EIF3C: variants seen among roughly 807,000 people sequenced by gnomAD.
EIF3C encodes eukaryotic translation initiation factor 3 subunit C.
In EIF3C, 2 loss-of-function variants were observed where a neutral mutation model predicts 11.1. The ratio of observed to expected loss-of-function variants is 0.18; its 90% CI spans 0.07 to 0.57. EIF3C has a LOEUF of 0.57. Among genes scored for constraint, EIF3C ranks in the 20% least tolerant of loss-of-function variants. EIF3C has a pLI of 0.92. For missense variants in EIF3C, 16 were observed against 114.6 expected (o/e 0.14, Z 3.93); for synonymous variants, 2 against 41.5 (o/e 0.05, Z 3.66).
chr16:28,693,682 T>C (rs2048228845), intron 1 of EIF3C, among the ~76,000 whole-genome samples: 1 of 30,242 alleles, frequency 3.3e-5, no homozygotes, highest in Non-Finnish European at 5.6e-5. Context: ...TTTTTTTTTT[T>C]TTTTTTCTGA....
chr16:28,699,482 CGGAGAGGGAGAGGGAGAGGGAGAG>C (rs56382957), intron 1 of EIF3C, among the ~76,000 whole-genome samples: 5 of 84,792 alleles, frequency 5.9e-5, no homozygotes, highest in Admixed American at 2.1e-4. Context: ...GAGACGGAGA[CGGAGAGGGAGAGGGAGAGGGAGAG>C]GGAGAGGGAG....
chr16:28,707,078 CTTT>C (rs1165801182), upstream of EIF3C, among the ~76,000 whole-genome samples: 1,111 of 21,388 alleles, frequency 0.052, 130 homozygotes, highest in Non-Finnish European at 0.065. Flanking sequence ...TTTTCTTTCC[CTTT>C]TTTTTTTTTT....
intron 15 of EIF3C, among the ~76,000 whole-genome samples, chr16:28,729,660 G>GA (rs1292181272): frequency 8.5e-6 from 1 of 117,120 alleles, no homozygotes; most frequent in Non-Finnish European, 1.8e-5. Context: ...AAAACAATAT[G>GA]AAAAACCACA....
chr16:28,729,543 G>A (rs2048418100), intron 15 of EIF3C, among the ~76,000 whole-genome samples: 1 of 40,852 alleles, frequency 2.4e-5, no homozygotes, highest in African/African-American at 1.1e-4. Context: ...ATCTGCTGAG[G>A]TTGGGATCAG....
rs1281940701 is a variant in EIF3C at position 28,698,376 on chromosome 16, T to TG, written c.-31+9554dup. ...CTCCCGGACGGGGCGGCTGGCCGGG[T>TG]GGGGGGCTGACCCTCCCACCTCCCT... is the stretch of plus-strand genomic sequence containing the variant. On this transcript the variant is annotated intron_variant, in intron 1 of 20. Transcript: ENST00000566501. 1.1e-4 allele frequency among the ~76,000 whole-genome samples: 9 copies of TG among 84,042 alleles called. 1 individual carries two copies. The highest frequency in any genetic ancestry group is 3.1e-4 in the Admixed American group (3 of 9,556). 55.1% of individuals were successfully genotyped at this position (84,042 alleles called of 152,430 possible).
chr16:28,700,721 C>G (rs1034251626), intron 1 of EIF3C: 1 of 143,618 alleles, frequency 7.0e-6, no homozygotes, highest in East Asian at 2.7e-4. Flanking sequence ...GAAGCAGACC[C>G]GGGGGACCCC....
At chr16:28,726,234 G>GA (rs1469612471) in intron 13 of EIF3C, 2 of 44,846 alleles carry the variant, frequency 4.5e-5, no homozygotes, top group African/African-American at 1.9e-4. Flanking sequence ...GAGATCCAAT[G>GA]AGGAGGAGTT....
At position 28,700,885 on chromosome 16, in the gene EIF3C, C is replaced by T. The variant is rs1480568337; in HGVS notation, c.-30-10772C>T. The T allele has an allele frequency of 9.1e-6, 2 of 220,294 alleles. 1 individual carries two copies. Among genetic ancestry groups the T allele is most frequent in the African/African-American group, 8.1e-5 (2 of 24,570 alleles). 13.6% of individuals were successfully genotyped at this position (220,294 alleles called of 1,614,324 possible). On this transcript the variant is annotated intron_variant, in intron 1 of 20. Coordinates refer to the EIF3C transcript ENST00000566501. ...CTCATCAGGCTTGGTGTTCACCATG[C>T]TCCTGCTAAAGCCGTCTTTTCTTTT...
At chr16:28,699,253 T>C (rs1596704536) in intron 1 of EIF3C, among the ~76,000 whole-genome samples, 2 of 48,644 alleles carry the variant, frequency 4.1e-5, no homozygotes, top group Admixed American at 3.8e-4. Context: ...GGCGGATCAC[T>C]CGCGGTTAGG....
At chr16:28,718,614 G>GTTTT (rs576228155) in intron 8 of EIF3C, among the ~76,000 whole-genome samples, 3 of 45,270 alleles carry the variant, frequency 6.6e-5, no homozygotes, top group Non-Finnish European at 9.9e-5. Flanking sequence ...CTTGTTTAAA[G>GTTTT]TTTTTTTTTT....
At chr16:28,697,283 C>G (rs1276643259) in intron 1 of EIF3C, among the ~76,000 whole-genome samples, 3 of 15,324 alleles carry the variant, frequency 2.0e-4, no homozygotes, top group Non-Finnish European at 3.1e-4. Context: ...GGAAGGTCAG[C>G]AGATAAACAA....
chr16:28,697,996 G>A (rs1263411991), intron 1 of EIF3C, among the ~76,000 whole-genome samples: 1 of 68,570 alleles, frequency 1.5e-5, no homozygotes, highest in Non-Finnish European at 2.6e-5. Context: ...CGGGCGGGGG[G>A]GCTGACCCCC....
intron 1 of EIF3C, among the ~76,000 whole-genome samples, chr16:28,697,839 T>C (rs1356239934): frequency 1.1e-5 from 1 of 88,166 alleles, no homozygotes. Flanking sequence ...CCCACCTCCC[T>C]CCCGGACGGG....
intron 15 of EIF3C, among the ~76,000 whole-genome samples, chr16:28,728,492 AGGG>A (rs1435543253): frequency 1.3e-5 from 1 of 77,200 alleles, no homozygotes; most frequent in East Asian, 3.2e-4. Context: ...TGTATCTTTT[AGGG>A]GGTGTGTGTG....
chr16:28,730,485 TTTG>T (rs1246051254), intron 15 of EIF3C, among the ~76,000 whole-genome samples: 2 of 150,154 alleles, frequency 1.3e-5, no homozygotes, highest in Admixed American at 1.3e-4. Flanking sequence ...TCTCCACATT[TTTG>T]TTGTTATGAC....
chr16:28,698,247 GT>G (rs1211126535), intron 1 of EIF3C, among the ~76,000 whole-genome samples: 1 of 122,552 alleles, frequency 8.2e-6, no homozygotes, highest in African/African-American at 3.2e-5. Context: ...GGCTGGCCGG[GT>G]GGGGGGGCTG....
intron 1 of EIF3C, among the ~76,000 whole-genome samples, chr16:28,704,480 T>A: frequency 9.5e-6 from 1 of 105,004 alleles, no homozygotes; most frequent in Non-Finnish European, 1.9e-5. Flanking sequence ...GATGATTGCT[T>A]GAGGCCAGGA....
chr16:28,699,806 C>T lies in EIF3C; in HGVS notation c.-31+10978C>T, dbSNP rs1289872149. Among the ~76,000 whole-genome samples, 3 of 94,522 alleles carry T rather than the reference C, an allele frequency of 3.2e-5. 1 individual carries two copies. Among genetic ancestry groups the T allele is most frequent in the Admixed American group, 2.0e-4 (2 of 9,948 alleles). 62.0% of individuals were successfully genotyped at this position (94,522 alleles called of 152,430 possible). On this transcript the variant is annotated intron_variant, in intron 1 of 20. Coordinates refer to the EIF3C transcript ENST00000566501. ...TGATCCACCCTCCTCAGCCTCCCAG[C>T]GTGCTGGGATTACGGGTGTGAGCCA...
intron 1 of EIF3C, among the ~76,000 whole-genome samples, chr16:28,698,345 C>A (rs2048255506): frequency 1.0e-5 from 1 of 98,482 alleles, no homozygotes; most frequent in Non-Finnish European, 2.0e-5. Flanking sequence ...CAGAGGCGCC[C>A]CTCACCTCCC....
Sources: gnomAD v4.1 joint callset for allele counts (sites outside exome capture counted in the v4.1 genomes callset) on GRCh38, gnomAD v4.1.1 for gene constraint, MANE v1.5 for transcripts, NCBI Gene and HGNC (gene_info 2026-07-23, HGNC 2026-07-21) for gene names.